SINHCAF: variants seen among roughly 807,000 people sequenced by gnomAD.
SINHCAF encodes the protein SIN3-HDAC complex associated factor, also known as SIN3-HDAC complex-associated factor.
Under a neutral mutation model 25.8 loss-of-function variants are expected in SINHCAF, and 3 were observed. That is an observed-to-expected ratio of 0.12 (90% CI 0.05 to 0.30). The LOEUF (loss-of-function observed/expected upper bound fraction) is 0.30. SINHCAF is among the 10% of genes least tolerant of loss of function. The probability of loss-of-function intolerance (pLI) is 1.00; values close to 1 mark genes in which losing one functional copy is unlikely to be tolerated. For synonymous variants in SINHCAF, 70 were observed against 85.5 expected (o/e 0.82, Z 1.00); for missense variants, 121 against 262.3 (o/e 0.46, Z 3.72).
chr12:31,294,120 A>G (rs1022163603), intron 3 of SINHCAF, among the ~76,000 whole-genome samples, 189 bp from the exon 4 acceptor site: 1 of 152,192 alleles, frequency 6.6e-6, no homozygotes, highest in African/African-American at 2.4e-5. Flanking sequence ...TTTTAAAGAT[A>G]TTCTTTCCTG....
chr12:31,303,901 T>C (rs1357689224), intron 1 of SINHCAF: 5 of 152,134 alleles, frequency 3.3e-5, no homozygotes, highest in Non-Finnish European at 5.9e-5. Context: ...CTTGTAACCA[T>C]TTAGCTTGCT....
At chr12:31,307,710 G>A (rs1467481270) in intron 1 of SINHCAF, among the ~76,000 whole-genome samples, 1 of 152,156 alleles carries the variant, frequency 6.6e-6, no homozygotes. Flanking sequence ...AACTGAATAC[G>A]GAATGAAGGC....
chr12:31,321,758 C>T (rs1336434812), intron 1 of SINHCAF, among the ~76,000 whole-genome samples: 1 of 152,050 alleles, frequency 6.6e-6, no homozygotes, highest in East Asian at 1.9e-4. Flanking sequence ...TAAGAAAAAA[C>T]GAAAATGACA....
intron 1 of SINHCAF, among the ~76,000 whole-genome samples, chr12:31,314,203 A>C (rs1939403997): frequency 1.3e-5 from 2 of 151,988 alleles, no homozygotes; most frequent in South Asian, 4.1e-4. Flanking sequence ...AAGAAGAAAA[A>C]TCAGATCCAG....
chr12:31,309,760 G>A (rs559177461), intron 1 of SINHCAF, among the ~76,000 whole-genome samples: 9 of 149,890 alleles, frequency 6.0e-5, no homozygotes, highest in Admixed American at 3.3e-4. Context: ...CCGCCTCCCA[G>A]GTTCAAGCAA....
intron 1 of SINHCAF, among the ~76,000 whole-genome samples, chr12:31,320,405 C>G (rs989962840): frequency 3.3e-5 from 5 of 152,198 alleles, no homozygotes; most frequent in African/African-American, 9.6e-5. Flanking sequence ...CCTTCCATAC[C>G]TTTATTAGAA....
intron 5 of SINHCAF, among the ~76,000 whole-genome samples, chr12:31,283,989 CT>C: frequency 6.6e-6 from 1 of 152,170 alleles, no homozygotes; most frequent in Non-Finnish European, 1.5e-5. Context: ...ATATTCTACC[CT>C]GTGAATATAT....
intron 5 of SINHCAF, among the ~76,000 whole-genome samples, chr12:31,286,662 CAAAAA>C (rs999169211): frequency 3.6e-5 from 2 of 55,230 alleles, no homozygotes; most frequent in Admixed American, 2.0e-4. Flanking sequence ...AACTCCGTCT[CAAAAA>C]AAAAAAAAAA....
At chr12:31,307,235 T>A (rs953221099) in intron 1 of SINHCAF, among the ~76,000 whole-genome samples, 1 of 152,178 alleles carries the variant, frequency 6.6e-6, no homozygotes, top group Non-Finnish European at 1.5e-5. Flanking sequence ...TATACCGTCA[T>A]TCTCTCCAGG....
At chr12:31,295,979 G>T (rs952594430) in intron 2 of SINHCAF, among the ~76,000 whole-genome samples, 1 of 151,676 alleles carries the variant, frequency 6.6e-6, no homozygotes, top group South Asian at 2.1e-4. Context: ...GCAGGAGTTC[G>T]AGACCAGCCT....
intron 4 of SINHCAF, 67 bp from the exon 5 acceptor site, chr12:31,287,851 C>G: frequency 8.9e-7 from 1 of 1,120,970 alleles, no homozygotes; most frequent in Non-Finnish European, 1.2e-6. Flanking sequence ...AACTAAACCT[C>G]AGCATAAGAC....
rs115655567 is a variant in SINHCAF at position 31,311,371 on chromosome 12, G to A, written c.-20-13147C>T. 4.9e-3 allele frequency among the ~76,000 whole-genome samples: 747 copies of A among 152,334 alleles called. 10 individuals are homozygous for A. The highest frequency in any genetic ancestry group is 0.017 in the African/African-American group (725 of 41,584). On this transcript the variant is annotated intron_variant, in intron 1 of 5. Coordinates refer to ENST00000337682, the MANE Select transcript of SINHCAF (RefSeq NM_001135812.2). The stretch of plus-strand genomic sequence containing the variant: ...CATGTAGACAAGCCGATAAATGTCA[G>A]AATGACCTGGGTCATAGATTTTAAT...
At chr12:31,295,360 T>C (rs776675803) in intron 2 of SINHCAF, 27 bp from the exon 3 acceptor site, 2 of 1,436,310 alleles carry the variant, frequency 1.4e-6, no homozygotes, top group African/African-American at 1.4e-5. Flanking sequence ...CAAACCTTTA[T>C]CAGTCTCCCT....
chr12:31,323,564 A>C (rs910253347), intron 1 of SINHCAF, among the ~76,000 whole-genome samples: 1 of 152,172 alleles, frequency 6.6e-6, no homozygotes, highest in Non-Finnish European at 1.5e-5. Flanking sequence ...GAAGTAATGG[A>C]AGGTTACAGG....
At chr12:31,293,689 C>T in intron 4 of SINHCAF, 116 bp downstream of exon 4, 2 of 852,298 alleles carry the variant, frequency 2.3e-6, no homozygotes, top group East Asian at 5.8e-5. Flanking sequence ...CGTTGCCTTC[C>T]AGTGCTCTTT....
chr12:31,294,289 A>G (rs140554640), intron 3 of SINHCAF, among the ~76,000 whole-genome samples: 5 of 152,334 alleles, frequency 3.3e-5, no homozygotes, highest in Non-Finnish European at 7.4e-5. Context: ...GCTTTCATAT[A>G]CTTTTTATAT....
intron 1 of SINHCAF, among the ~76,000 whole-genome samples, chr12:31,301,644 A>C (rs1001977700): frequency 5.3e-5 from 8 of 152,190 alleles, no homozygotes; most frequent in Admixed American, 6.5e-5. Context: ...TGTTTACAAC[A>C]ACCAAGTTAA....
chr12:31,293,986 C>T lies in SINHCAF; in HGVS notation c.229-55G>A, dbSNP rs1339219738. The T allele has an allele frequency of 2.7e-5, 39 of 1,463,434 alleles. No individual in the cohort carries two copies. In the South Asian group the frequency reaches 3.8e-4, roughly 14 times the overall value. 90.7% of individuals were successfully genotyped at this position (1,463,434 alleles called of 1,614,324 possible). ...ATTTTTAAAATGACACCAGTGTATC[C>T]CTTTGGTTCAGATCCGTGCCTATTT... On this transcript the variant is annotated intron_variant, in intron 3 of 5. Transcript: ENST00000337682.
chr12:31,304,571 AG>A (rs1938949200), intron 1 of SINHCAF: 2 of 152,344 alleles, frequency 1.3e-5, no homozygotes, highest in African/African-American at 4.8e-5. Context: ...CTTATTACTA[AG>A]CACAGAATGA....
Sources: gnomAD v4.1 joint callset for allele counts (sites outside exome capture counted in the v4.1 genomes callset) on GRCh38, gnomAD v4.1.1 for gene constraint, MANE v1.5 for transcripts, NCBI Gene and HGNC (gene_info 2026-07-23, HGNC 2026-07-21) for gene names.